The following POLE2 variants were observed in gnomAD, a reference collection of about 807,000 sequenced individuals.
POLE2 encodes DNA polymerase epsilon 2, accessory subunit.
A neutral mutation model predicts 79.4 loss-of-function variants in POLE2; 56 were observed. The ratio of observed to expected loss-of-function variants is 0.71; its 90% CI spans 0.57 to 0.88. POLE2 has a LOEUF of 0.88. Among genes scored for constraint, POLE2 ranks in the 40% least tolerant of loss-of-function variants. POLE2 has a pLI of 0.00. For synonymous variants in POLE2, 212 were observed against 214.0 expected, an observed-to-expected ratio of 0.99 and a Z score of 0.08; for missense variants, 598 against 638.9, an observed-to-expected ratio of 0.94 and a Z score of 0.69.
chr14:49,662,472 C>T (rs1475067958), intron 10 of POLE2, among the ~76,000 whole-genome samples: 2 of 152,224 alleles, frequency 1.3e-5, no homozygotes, highest in Non-Finnish European at 2.9e-5. Context: ...AAGGCAACTA[C>T]TTTAATTCCC....
intron 1 of POLE2, among the ~76,000 whole-genome samples, chr14:49,686,524 T>G (rs1266008830): frequency 6.6e-6 from 1 of 152,140 alleles, no homozygotes; most frequent in Non-Finnish European, 1.5e-5. Context: ...GACCCTGAAG[T>G]TGAGGACCCA....
At chr14:49,646,973 C>T (rs938302090) in intron 18 of POLE2, 14 of 196,698 alleles carry the variant, frequency 7.1e-5, no homozygotes, top group Admixed American at 4.2e-4. Flanking sequence ...AAGAAGCAAC[C>T]ATACGGAGGG....
intron 18 of POLE2, among the ~76,000 whole-genome samples, chr14:49,644,209 G>C (rs1883596161): frequency 6.7e-6 from 1 of 149,380 alleles, no homozygotes; most frequent in Admixed American, 6.7e-5. Context: ...TATAAAGGTA[G>C]ACTAATTTTT....
At chr14:49,650,104 T>C (rs1359877866) in intron 17 of POLE2, 161 bp downstream of exon 17, 3 of 412,890 alleles carry the variant, frequency 7.3e-6, no homozygotes, top group African/African-American at 2.1e-5. Flanking sequence ...TTAAGAACTT[T>C]CTGTGTATAC....
chr14:49,672,945 C>T (rs939724711), intron 5 of POLE2, among the ~76,000 whole-genome samples: 2 of 152,186 alleles, frequency 1.3e-5, no homozygotes, highest in Non-Finnish European at 2.9e-5. Context: ...TTGATACTCT[C>T]CTGGCAATCT....
chr14:49,668,767 T>C (rs1885671887), intron 6 of POLE2, among the ~76,000 whole-genome samples: 1 of 152,162 alleles, frequency 6.6e-6, no homozygotes, highest in South Asian at 2.1e-4. Flanking sequence ...ATAAGTAATG[T>C]CAATTTCTAA....
intron 18 of POLE2, among the ~76,000 whole-genome samples, chr14:49,646,114 G>A (rs528102764): frequency 2.6e-4 from 39 of 152,166 alleles, no homozygotes; most frequent in Non-Finnish European, 4.1e-4. Context: ...GAGCCACAGC[G>A]TCTGGCCTCC....
intron 3 of POLE2, among the ~76,000 whole-genome samples, chr14:49,678,785 T>C (rs1886492889): frequency 6.6e-6 from 1 of 152,050 alleles, no homozygotes; most frequent in Non-Finnish European, 1.5e-5. Context: ...GCCTCCCAAG[T>C]AGCTGGGATT....
At position 49,654,838 on chromosome 14, in the gene POLE2, T is replaced by A; in HGVS notation, c.1019A>T (p.Asp340Val). The A allele has an allele frequency of 6.7e-7, 1 of 1,489,062 alleles. No homozygotes were observed. Among genetic ancestry groups the A allele is most frequent in the Non-Finnish European group, 8.9e-7 (1 of 1,123,292 alleles). The allele number at this position is 1,489,062 out of a possible 1,614,324, so 92.2% of individuals were successfully genotyped here. A position where few individuals can be genotyped will look rare whatever the true frequency, so the allele number is the denominator to read the frequency against. ...YGKNQVQALK[D>V]SLKTLADIIC... ...TATATCTGCCAAAGTTTTTAGGGAA[T>A]CTAAAATTTTAAAAAGGTATTGAAT... The change falls in exon 13 of 19, where the codon GAT (aspartate) becomes GTT (valine). Residue 340 changes from aspartate to valine, a missense_variant and splice_region_variant. Transcript: ENST00000216367.
rs1401071425 is a variant in POLE2, at chr14:49,665,290, T to C, written c.577-127A>G. On this transcript the variant is annotated intron_variant, in intron 7 of 18. Coordinates refer to ENST00000216367, the MANE Select transcript of POLE2 (RefSeq NM_002692.4). ...AGTGGATTTTAAAAATCAGCTATTA[T>C]TTCTAGTCCAGGCTCTTCCATTTAC... 1.0e-5 allele frequency: 6 copies of C among 602,248 alleles called. No homozygotes were observed. In the East Asian group the frequency reaches 1.7e-4, roughly 17 times the overall value. The allele number at this position is 602,248 out of a possible 1,614,324, so 37.3% of individuals were successfully genotyped here. A position where few individuals can be genotyped will look rare whatever the true frequency, so the allele number is the denominator to read the frequency against.
At chr14:49,663,625 G>A (rs2139646701) in intron 9 of POLE2, among the ~76,000 whole-genome samples, 1 of 152,256 alleles carries the variant, frequency 6.6e-6, no homozygotes, top group South Asian at 2.1e-4. Flanking sequence ...GGCAGTACGT[G>A]TTGATACAGA....
Position 49,669,519 on chromosome 14 carries a change from C to T in POLE2, c.492+5G>A. On this transcript the variant is annotated splice_donor_5th_base_variant and intron_variant, in intron 6 of 18. Transcript: ENST00000216367. ...CCCCCTACATAACTAGGATAATGTT[C>T]TAACCTGGAATTTGCTTCCGCTTTC... 1 of 1,495,182 alleles carries T rather than the reference C, an allele frequency of 6.7e-7. No homozygotes were observed. The allele number at this position is 1,495,182 out of a possible 1,614,324, so 92.6% of individuals were successfully genotyped here. A position where few individuals can be genotyped will look rare whatever the true frequency, so the allele number is the denominator to read the frequency against.
intron 3 of POLE2, among the ~76,000 whole-genome samples, chr14:49,678,271 G>A (rs979267260): frequency 6.6e-6 from 1 of 152,034 alleles, no homozygotes; most frequent in African/African-American, 2.4e-5. Flanking sequence ...CCAAAGTGCT[G>A]GGATTACGGG....
intron 17 of POLE2, 39 bp from the exon 18 acceptor site, chr14:49,647,399 C>CT (rs3218792): frequency 5.6e-5 from 49 of 872,870 alleles, no homozygotes; most frequent in Middle Eastern, 3.0e-4. Flanking sequence ...AATGCTCAGA[C>CT]TTTTTTTTAA....
chr14:49,648,834 A>G (rs1307925680), intron 17 of POLE2, among the ~76,000 whole-genome samples: 2 of 152,220 alleles, frequency 1.3e-5, no homozygotes, highest in African/African-American at 4.8e-5. Context: ...AAGTAGAGAC[A>G]GGCCCTTTCT....
intron 18 of POLE2, among the ~76,000 whole-genome samples, chr14:49,643,885 T>C (rs1883570860): frequency 6.8e-6 from 1 of 146,918 alleles, no homozygotes; most frequent in Non-Finnish European, 1.5e-5. Flanking sequence ...CTTTTTTTTT[T>C]TTTTTTTTTT....
chr14:49,651,255 G>A lies in POLE2; in HGVS notation c.1320+14C>T, dbSNP rs755413995. The A allele has an allele frequency of 8.0e-7, 1 of 1,255,572 alleles. No homozygotes were observed. The highest frequency in any genetic ancestry group is 2.3e-5 in the East Asian group (1 of 43,096). The allele number at this position is 1,255,572 out of a possible 1,614,324, so 77.8% of individuals were successfully genotyped here. A position where few individuals can be genotyped will look rare whatever the true frequency, so the allele number is the denominator to read the frequency against. ...ACATGTAAGGCAGTTTAATAAAAAA[G>A]TTGTTTCACTTACGTGATTAGGAAT... On this transcript the variant is annotated intron_variant, in intron 16 of 18. Coordinates refer to ENST00000216367, the MANE Select transcript of POLE2 (RefSeq NM_002692.4).
intron 8 of POLE2, 78 bp downstream of exon 8, chr14:49,665,029 A>C: frequency 2.7e-6 from 2 of 733,808 alleles, no homozygotes; most frequent in Non-Finnish European, 4.8e-6. Flanking sequence ...CAAATAGGTA[A>C]ATTTTAGAAG....
intron 17 of POLE2, among the ~76,000 whole-genome samples, chr14:49,649,138 T>C (rs1396707202): frequency 1.4e-4 from 9 of 64,388 alleles, no homozygotes; most frequent in East Asian, 2.9e-4. Flanking sequence ...TTTCTTTCCC[T>C]TTTTTTTTTT....
Sources: gnomAD v4.1 joint callset for allele counts (sites outside exome capture counted in the v4.1 genomes callset) on GRCh38, gnomAD v4.1.1 for gene constraint, MANE v1.5 for transcripts, NCBI Gene and HGNC (gene_info 2026-07-23, HGNC 2026-07-21) for gene names.